The following PPARGC1A variants were observed in gnomAD, a reference collection of about 807,000 sequenced individuals.
PPARGC1A encodes PPARG coactivator 1 alpha, also known as peroxisome proliferator-activated receptor gamma coactivator 1-alpha.
A neutral mutation model predicts 88.7 loss-of-function variants in PPARGC1A; 25 were observed. That is an observed-to-expected ratio of 0.28 (90% confidence interval 0.21 to 0.39). The LOEUF is 0.39. Among genes scored for constraint, PPARGC1A ranks in the 10% least tolerant of loss-of-function variants. The probability of loss-of-function intolerance (pLI) is 1.00; values close to 1 mark genes in which losing one functional copy is unlikely to be tolerated. For missense variants in PPARGC1A, 880 were observed against 968.7 expected (o/e 0.91, Z 1.22); for synonymous variants, 363 against 355.6 (o/e 1.02, Z -0.24).
At chr4:23,921,251 G>A in the PPARGC1A span, among the ~76,000 whole-genome samples, 1 of 152,164 alleles carries the variant, frequency 6.6e-6, no homozygotes, top group Admixed American at 6.5e-5. Flanking sequence ...CTCAACTCTT[G>A]TCCTCGGATA....
the PPARGC1A span, among the ~76,000 whole-genome samples, chr4:24,098,782 G>A: frequency 6.6e-6 from 1 of 152,188 alleles, no homozygotes; most frequent in African/African-American, 2.4e-5. Context: ...ATGGAAATCA[G>A]ATGACTTCAT....
the PPARGC1A span, among the ~76,000 whole-genome samples, chr4:24,209,178 T>C: frequency 1.3e-5 from 2 of 152,216 alleles, no homozygotes; most frequent in African/African-American, 2.4e-5. Context: ...ACCTCCGTTC[T>C]GGTTGGCCAA....
At chr4:23,831,521 C>T (rs1160790763) in intron 3 of PPARGC1A, 36 bp downstream of exon 3, 1 of 1,583,112 alleles carries the variant, frequency 6.3e-7, no homozygotes, top group South Asian at 1.1e-5. Context: ...CCAGAGGCAA[C>T]TCCAATTCCT....
the PPARGC1A span, among the ~76,000 whole-genome samples, chr4:24,195,171 G>C: frequency 6.6e-6 from 1 of 152,114 alleles, no homozygotes; most frequent in East Asian, 1.9e-4. Flanking sequence ...ACCTGCTTTA[G>C]GTAAATCAAA....
the PPARGC1A span, among the ~76,000 whole-genome samples, chr4:24,383,539 G>C: frequency 2.0e-5 from 3 of 152,154 alleles, no homozygotes; most frequent in African/African-American, 7.2e-5. Flanking sequence ...TAAATGACCT[G>C]ATGGAGCTGA....
At chr4:24,046,667 C>T in the PPARGC1A span, among the ~76,000 whole-genome samples, 4 of 152,162 alleles carry the variant, frequency 2.6e-5, no homozygotes, top group Admixed American at 6.5e-5. Context: ...CTCATTTCTT[C>T]TTCTCCTGGG....
chr4:24,061,163 T>C, the PPARGC1A span, among the ~76,000 whole-genome samples: 1 of 152,150 alleles, frequency 6.6e-6, no homozygotes, highest in Admixed American at 6.5e-5. Flanking sequence ...TCCACACTCT[T>C]AACCACCATG....
chr4:24,322,362 C>A, the PPARGC1A span, among the ~76,000 whole-genome samples: 1 of 152,338 alleles, frequency 6.6e-6, no homozygotes, highest in East Asian at 1.9e-4. Flanking sequence ...AGCTTCGCTA[C>A]AATGGAGAAG....
At chr4:24,106,021 C>A in the PPARGC1A span, among the ~76,000 whole-genome samples, 5 of 152,276 alleles carry the variant, frequency 3.3e-5, no homozygotes, top group East Asian at 9.7e-4. Context: ...AATTATGCTA[C>A]GCAGTTGAAA....
At chr4:24,199,401 T>G in the PPARGC1A span, among the ~76,000 whole-genome samples, 1 of 152,028 alleles carries the variant, frequency 6.6e-6, no homozygotes, top group Non-Finnish European at 1.5e-5. Context: ...ACGTGATAAG[T>G]GCAACAAATG....
At chr4:23,958,235 C>T in the PPARGC1A span, among the ~76,000 whole-genome samples, 1 of 152,084 alleles carries the variant, frequency 6.6e-6, no homozygotes, top group Non-Finnish European at 1.5e-5. Flanking sequence ...ATTTTAATTA[C>T]TGGTCATGTT....
the PPARGC1A span, among the ~76,000 whole-genome samples, chr4:24,251,813 G>A: frequency 6.6e-6 from 1 of 152,126 alleles, no homozygotes; most frequent in Non-Finnish European, 1.5e-5. Context: ...AGTACCACTA[G>A]GAAGCTCTCT....
chr4:24,138,037 G>A, the PPARGC1A span, among the ~76,000 whole-genome samples: 1 of 152,232 alleles, frequency 6.6e-6, no homozygotes, highest in Middle Eastern at 3.4e-3. Flanking sequence ...GGAAAACCAG[G>A]ACACCAGAAG....
chr4:23,996,265 C>T, the PPARGC1A span, among the ~76,000 whole-genome samples: 5 of 152,258 alleles, frequency 3.3e-5, no homozygotes, highest in Middle Eastern at 0.01. Flanking sequence ...ATGCAAAGTC[C>T]CAAGTCACAT....
At chr4:24,344,618 G>A in the PPARGC1A span, among the ~76,000 whole-genome samples, 4 of 150,418 alleles carry the variant, frequency 2.7e-5, no homozygotes, top group African/African-American at 9.8e-5. Context: ...TTTTCTTACT[G>A]ATTTGTTTGA....
the PPARGC1A span, among the ~76,000 whole-genome samples, chr4:24,066,825 GTTTTTGT>G: frequency 3.1e-3 from 240 of 76,598 alleles, no homozygotes; most frequent in African/African-American, 0.012. Flanking sequence ...TGGTTTTTTT[GTTTTTGT>G]TTTTTGTTTG....
chr4:24,396,681 G>A, the PPARGC1A span, among the ~76,000 whole-genome samples: 2 of 151,962 alleles, frequency 1.3e-5, no homozygotes, highest in South Asian at 4.2e-4. Context: ...CTAGCTATCA[G>A]TTTAGGGGGC....
At chr4:23,988,971 A>G in the PPARGC1A span, among the ~76,000 whole-genome samples, 24,271 of 147,442 alleles carry the variant, frequency 0.16, 2,121 homozygotes, top group East Asian at 0.26. Flanking sequence ...TGTAATATAT[A>G]CTATACATAT....
At chr4:24,138,388 A>G in the PPARGC1A span, among the ~76,000 whole-genome samples, 1 of 152,220 alleles carries the variant, frequency 6.6e-6, no homozygotes, top group East Asian at 1.9e-4. Flanking sequence ...GACACAGTCC[A>G]ATTGCAGTGA....
Sources: allele counts gnomAD v4.1 joint callset (sites outside exome capture counted in the v4.1 genomes callset), GRCh38; gene constraint gnomAD v4.1.1; transcripts MANE v1.5; gene names NCBI Gene and HGNC (gene_info 2026-07-23, HGNC 2026-07-21).